PRKN: variants seen among roughly 807,000 people sequenced by gnomAD.
The protein encoded by PRKN is parkin RBR E3 ubiquitin protein ligase.
A neutral mutation model predicts 59.5 loss-of-function variants in PRKN; 56 were observed. The observed-to-expected ratio is 0.94, with a 90% confidence interval of 0.76 to 1.18. The LOEUF (loss-of-function observed/expected upper bound fraction) is 1.18. PRKN is among the 50% of genes most tolerant of loss of function. PRKN has a pLI of 0.00. For missense variants in PRKN, 657 were observed against 596.4 expected (o/e 1.10, Z -1.06); for synonymous variants, 250 against 222.1 (o/e 1.13, Z -1.12).
chr6:161,676,653 A>G (rs1242156710), intron 7 of PRKN, among the ~76,000 whole-genome samples: 1 of 152,170 alleles, frequency 6.6e-6, no homozygotes, highest in Non-Finnish European at 1.5e-5. Context: ...TGCAAAATCC[A>G]AAATACATAA....
chr6:161,680,734 T>C (rs1454703782), intron 7 of PRKN, among the ~76,000 whole-genome samples: 7 of 3,996 alleles, frequency 1.8e-3, no homozygotes, highest in African/African-American at 5.0e-3. Context: ...TACATATATA[T>C]ATATATATAT....
At chr6:162,321,251 C>G (rs1053242672) in intron 2 of PRKN, among the ~76,000 whole-genome samples, 12 of 151,904 alleles carry the variant, frequency 7.9e-5, no homozygotes, top group Non-Finnish European at 1.6e-4. Context: ...AATTTTCTAC[C>G]TATAAATTTG....
In PRKN at chr6:161,361,904, C is replaced by G. The variant is rs570387818; in HGVS notation, c.1168-1699G>C. ...TAACTAGGTATGCATCTTCATGGCA[C>G]GCCTTCCAGTCACCACAGAGTCTTG... On this transcript the variant is annotated intron_variant, in intron 10 of 11. Transcript: ENST00000366898. The surrounding 1 kb of genome is among the most constrained non-coding windows in gnomAD (Gnocchi z 5.2). Among the ~76,000 whole-genome samples, 2 of 152,198 alleles carry G rather than the reference C, an allele frequency of 1.3e-5. No homozygotes were observed. The highest frequency in any genetic ancestry group is 3.9e-4 in the East Asian group (2 of 5,164).
At chr6:161,715,976 G>A (rs150650029) in intron 7 of PRKN, 71 of 543,208 alleles carry the variant, frequency 1.3e-4, no homozygotes, top group Middle Eastern at 9.5e-4. Flanking sequence ...GGTGAGAAGC[G>A]CTGGGGTGGG....
At chr6:161,412,054 C>CA (rs1787585526) in intron 9 of PRKN, among the ~76,000 whole-genome samples, 1 of 148,398 alleles carries the variant, frequency 6.7e-6, no homozygotes. Flanking sequence ...CTCATTCCTT[C>CA]CTCATTCATT....
In PRKN at chr6:161,385,597, G is replaced by A. The variant is rs888918238; in HGVS notation, c.1167+1197C>T. ...CCAAATAAATACTGTAGATGCCAGA[G>A]TATCACTTTGTGGAAGCCTCTGCCA... On this transcript the variant is annotated intron_variant, in intron 10 of 11. Coordinates refer to ENST00000366898, the MANE Select transcript of PRKN (RefSeq NM_004562.3). The surrounding 1 kb of genome is among the most constrained non-coding windows in gnomAD (Gnocchi z 4.9). 6.6e-6 allele frequency among the ~76,000 whole-genome samples: 1 copy of A among 152,170 alleles called. No homozygotes were observed. The highest frequency in any genetic ancestry group is 2.4e-5 in the African/African-American group (1 of 41,434).
At chr6:162,471,318 G>C (rs1353949190) in intron 1 of PRKN, among the ~76,000 whole-genome samples, 1 of 151,034 alleles carries the variant, frequency 6.6e-6, no homozygotes, top group Non-Finnish European at 1.5e-5. Flanking sequence ...GGCTGGTCTC[G>C]AACTCCTGAC....
Position 161,933,530 on chromosome 6 carries a change from G to A in PRKN, c.734+39772C>T, listed in dbSNP as rs114721913. On this transcript the variant is annotated intron_variant, in intron 6 of 11. Coordinates refer to ENST00000366898, the MANE Select transcript of PRKN (RefSeq NM_004562.3). ...GGTCATATAGCCTCTGAAAAACTCCGTAGCTTAGTATTGTTATGAAAATAA... is the reference window on the plus strand; with the variant it reads ...GGTCATATAGCCTCTGAAAAACTCCATAGCTTAGTATTGTTATGAAAATAA... Among the ~76,000 whole-genome samples the A allele has an allele frequency of 5.4e-3, 825 of 152,252 alleles. 2 individuals are homozygous for A. Among genetic ancestry groups the A allele is most frequent in the African/African-American group, 0.017 (694 of 41,540 alleles).
intron 6 of PRKN, among the ~76,000 whole-genome samples, chr6:161,827,302 T>C (rs1475181916): frequency 6.6e-6 from 1 of 152,126 alleles, no homozygotes; most frequent in African/African-American, 2.4e-5. Flanking sequence ...TCTAGGGAAC[T>C]GAGATTTCCC....
intron 5 of PRKN, among the ~76,000 whole-genome samples, chr6:161,985,740 A>C (rs1288752846): frequency 6.6e-6 from 1 of 152,112 alleles, no homozygotes; most frequent in East Asian, 1.9e-4. Context: ...AAGGCCTTGT[A>C]GACTTTCTAA....
intron 1 of PRKN, among the ~76,000 whole-genome samples, chr6:162,499,180 T>C (rs9346918): frequency 0.49 from 74,582 of 151,868 alleles, 18,403 homozygotes; most frequent in Middle Eastern, 0.55. Context: ...CCCTTTATTG[T>C]TACTGTCTTG....
intron 1 of PRKN, among the ~76,000 whole-genome samples, chr6:162,691,715 A>C (rs1167705132): frequency 1.3e-5 from 2 of 152,196 alleles, no homozygotes; most frequent in Non-Finnish European, 1.5e-5. Flanking sequence ...CGATTCTAAT[A>C]CTTTCATAAA....
rs145267766 is a variant in PRKN at position 161,474,518 on chromosome 6, T to C, written c.1083+74336A>G. Among the ~76,000 whole-genome samples, 849 of 152,240 alleles carry C rather than the reference T, an allele frequency of 5.6e-3. 11 individuals are homozygous for C. Among genetic ancestry groups the C allele is most frequent in the African/African-American group, 0.019 (809 of 41,526 alleles). On this transcript the variant is annotated intron_variant, in intron 9 of 11. Coordinates refer to ENST00000366898, the MANE Select transcript of PRKN (RefSeq NM_004562.3). ...GTTAGTGGTATCTGTGACTTAGTCATAGATGAGAATCACAGATATCTTCGT... is the reference window on the plus strand; with the variant it reads ...GTTAGTGGTATCTGTGACTTAGTCACAGATGAGAATCACAGATATCTTCGT...
intron 10 of PRKN, among the ~76,000 whole-genome samples, chr6:161,364,626 G>A (rs1346708760): frequency 6.6e-6 from 1 of 151,680 alleles, no homozygotes; most frequent in East Asian, 1.9e-4. Context: ...AACTGTAAAC[G>A]ATGCTTAATT....
intron 1 of PRKN, among the ~76,000 whole-genome samples, chr6:162,694,318 C>A (rs1777893881): frequency 6.7e-6 from 1 of 150,106 alleles, no homozygotes; most frequent in Admixed American, 6.6e-5. Flanking sequence ...AGCTTAACCT[C>A]TATTGCTTCT....
At chr6:162,242,028 A>T (rs1779009277) in intron 3 of PRKN, among the ~76,000 whole-genome samples, 1 of 152,166 alleles carries the variant, frequency 6.6e-6, no homozygotes, top group Non-Finnish European at 1.5e-5. Context: ...TAATTCTAAA[A>T]TAAACTCCCA....
intron 2 of PRKN, among the ~76,000 whole-genome samples, chr6:162,294,510 CT>C (rs1297887332): frequency 2.0e-5 from 3 of 152,148 alleles, no homozygotes; most frequent in Middle Eastern, 3.2e-3. Flanking sequence ...TAAATTTAGA[CT>C]TTGTTCACTA....
At chr6:161,950,518 C>T (rs1779948010) in intron 6 of PRKN, among the ~76,000 whole-genome samples, 1 of 152,170 alleles carries the variant, frequency 6.6e-6, no homozygotes, top group Admixed American at 6.5e-5. Flanking sequence ...GCACTCCAGC[C>T]TGGGCGGCAG....
chr6:162,675,780 T>C lies in PRKN; in HGVS notation c.7+51882A>G, dbSNP rs537359423. Among the ~76,000 whole-genome samples the C allele has an allele frequency of 2.3e-4, 35 of 152,266 alleles. 1 individual carries two copies. The South Asian group carries it at 4.6e-3, about 20-fold the overall frequency. ...TATACTTTTGGGAAGCTTAATGAAATTATTCTAAAGTCATCTGGAAAGAGC... is the reference window on the plus strand; with the variant it reads ...TATACTTTTGGGAAGCTTAATGAAACTATTCTAAAGTCATCTGGAAAGAGC... On this transcript the variant is annotated intron_variant, in intron 1 of 11. Coordinates refer to ENST00000366898, the MANE Select transcript of PRKN (RefSeq NM_004562.3).
Sources: allele counts gnomAD v4.1 joint callset (sites outside exome capture counted in the v4.1 genomes callset), GRCh38; gene constraint gnomAD v4.1.1; non-coding constraint Gnocchi (gnomAD v3.1); transcripts MANE v1.5; gene names NCBI Gene and HGNC (gene_info 2026-07-23, HGNC 2026-07-21).